The following KIAA1328 variants were observed in gnomAD, a reference collection of about 807,000 sequenced individuals.
The protein encoded by KIAA1328 is protein hinderin.
In KIAA1328, 52 loss-of-function variants were observed where a neutral mutation model predicts 68.1. The observed-to-expected ratio is 0.76, with a 90% CI of 0.61 to 0.96. The LOEUF (loss-of-function observed/expected upper bound fraction) is 0.96, where lower values mean the gene tolerates loss of function less well. Among genes scored for constraint, KIAA1328 ranks in the 40% least tolerant of loss-of-function variants. The probability of loss-of-function intolerance (pLI) is 0.00; values close to 1 mark genes in which losing one functional copy is unlikely to be tolerated. For missense variants in KIAA1328, 641 were observed against 677.6 expected, an observed-to-expected ratio of 0.95 and a Z score of 0.60; for synonymous variants, 232 against 239.4, an observed-to-expected ratio of 0.97 and a Z score of 0.28.
intron 5 of KIAA1328, among the ~76,000 whole-genome samples, chr18:36,926,028 A>G (rs1189262864): frequency 6.6e-6 from 1 of 151,706 alleles, no homozygotes; most frequent in Non-Finnish European, 1.5e-5. Context: ...TGTTCTCTGA[A>G]ACCTTCAGAT....
chr18:36,890,263 A>G (rs1301617966), intron 5 of KIAA1328, among the ~76,000 whole-genome samples: 1 of 146,010 alleles, frequency 6.8e-6, no homozygotes, highest in Non-Finnish European at 1.5e-5. Flanking sequence ...AATCACCTTT[A>G]TTTGCATGTG....
At chr18:37,010,869 A>G (rs928447154) in intron 6 of KIAA1328, among the ~76,000 whole-genome samples, 2 of 152,212 alleles carry the variant, frequency 1.3e-5, no homozygotes, top group Non-Finnish European at 2.9e-5. Flanking sequence ...TATAGCAATA[A>G]TTGACAGAAA....
At chr18:37,200,582 C>A (rs932183192) in intron 9 of KIAA1328, among the ~76,000 whole-genome samples, 1 of 151,678 alleles carries the variant, frequency 6.6e-6, no homozygotes, top group Non-Finnish European at 1.5e-5. Context: ...GAGGCCGAGG[C>A]GGGTGGATCA....
chr18:37,206,321 G>A (rs1026170247), intron 9 of KIAA1328, among the ~76,000 whole-genome samples: 4 of 152,156 alleles, frequency 2.6e-5, no homozygotes, highest in African/African-American at 9.7e-5. Context: ...AAGGTGGTAG[G>A]GTTGAGGACA....
chr18:36,898,744 A>G (rs1490364079), intron 5 of KIAA1328, among the ~76,000 whole-genome samples: 1 of 151,986 alleles, frequency 6.6e-6, no homozygotes, highest in Non-Finnish European at 1.5e-5. Context: ...TAGTCAGCAG[A>G]ACAGAGTCTG....
intron 6 of KIAA1328, among the ~76,000 whole-genome samples, chr18:37,006,762 C>G (rs1331912360): frequency 6.6e-6 from 1 of 152,006 alleles, no homozygotes; most frequent in Non-Finnish European, 1.5e-5. Flanking sequence ...AGTGTCTTCT[C>G]AGTTCTGTAA....
chr18:37,158,855 T>C (rs2059214516), intron 7 of KIAA1328, among the ~76,000 whole-genome samples: 1 of 152,106 alleles, frequency 6.6e-6, no homozygotes, highest in African/African-American at 2.4e-5. Flanking sequence ...TTCATTTTTC[T>C]ACAGAACAAG....
chr18:36,948,189 A>G (rs193212814), intron 5 of KIAA1328, among the ~76,000 whole-genome samples: 34 of 152,072 alleles, frequency 2.2e-4, no homozygotes, highest in Non-Finnish European at 4.4e-4. Flanking sequence ...TTTTCATTTA[A>G]TGGTAAGAAC....
At chr18:36,885,222 A>G (rs1018518232) in intron 4 of KIAA1328, among the ~76,000 whole-genome samples, 4 of 152,196 alleles carry the variant, frequency 2.6e-5, no homozygotes, top group African/African-American at 9.6e-5. Context: ...TTGGTAACAA[A>G]AAAATGAAAC....
At chr18:37,206,999 G>A (rs1443903137) in intron 9 of KIAA1328, among the ~76,000 whole-genome samples, 1 of 152,174 alleles carries the variant, frequency 6.6e-6, no homozygotes, top group African/African-American at 2.4e-5. Context: ...AGGCAGTGGT[G>A]ATAAGTGGAA....
intron 6 of KIAA1328, among the ~76,000 whole-genome samples, chr18:37,042,933 T>G (rs566847396): frequency 6.6e-6 from 1 of 152,270 alleles, no homozygotes; most frequent in South Asian, 2.1e-4. Flanking sequence ...TCATTCTTTT[T>G]TCTTTCTACT....
chr18:37,173,854 A>G (rs2059546017), intron 9 of KIAA1328, among the ~76,000 whole-genome samples: 1 of 152,208 alleles, frequency 6.6e-6, no homozygotes, highest in Admixed American at 6.5e-5. Flanking sequence ...AAGGGAAGAG[A>G]AAGATTATTT....
intron 5 of KIAA1328, among the ~76,000 whole-genome samples, chr18:36,918,645 C>T (rs566029802): frequency 2.0e-5 from 3 of 152,226 alleles, no homozygotes; most frequent in African/African-American, 7.2e-5. Context: ...GAACTCCTGA[C>T]CTCAAGTGAT....
At chr18:36,952,749 C>G (rs1015976400) in intron 5 of KIAA1328, among the ~76,000 whole-genome samples, 1 of 152,104 alleles carries the variant, frequency 6.6e-6, no homozygotes, top group Non-Finnish European at 1.5e-5. Context: ...ATGGCCTTTT[C>G]GCTGTCTTGT....
intron 5 of KIAA1328, among the ~76,000 whole-genome samples, chr18:36,888,192 T>C (rs1281381145): frequency 6.6e-6 from 1 of 152,196 alleles, no homozygotes. Flanking sequence ...ACTACTACTG[T>C]GGGCCACATC....
intron 4 of KIAA1328, among the ~76,000 whole-genome samples, chr18:36,874,175 C>G (rs751891926): frequency 6.6e-6 from 1 of 152,008 alleles, no homozygotes; most frequent in Non-Finnish European, 1.5e-5. Context: ...TATAGTAGAA[C>G]AATTTATTAT....
At chr18:37,095,249 G>A (rs2057372159) in intron 7 of KIAA1328, among the ~76,000 whole-genome samples, 1 of 152,126 alleles carries the variant, frequency 6.6e-6, no homozygotes, top group African/African-American at 2.4e-5. Flanking sequence ...GACATTTACA[G>A]AACATTTTAT....
At chr18:36,888,156 C>T (rs1375042588) in intron 5 of KIAA1328, among the ~76,000 whole-genome samples, 2 of 152,084 alleles carry the variant, frequency 1.3e-5, no homozygotes, top group African/African-American at 4.8e-5. Flanking sequence ...TCATGTTTTC[C>T]TCATGATTTA....
At chr18:36,831,740 C>T (rs1279488064) in intron 1 of KIAA1328, among the ~76,000 whole-genome samples, 1 of 152,080 alleles carries the variant, frequency 6.6e-6, no homozygotes, top group East Asian at 1.9e-4. Context: ...ATAATAATTA[C>T]ATATACATGT....
Sources: gnomAD v4.1 joint callset for allele counts (sites outside exome capture counted in the v4.1 genomes callset) on GRCh38, gnomAD v4.1.1 for gene constraint, MANE v1.5 for transcripts, NCBI Gene and HGNC (gene_info 2026-07-23, HGNC 2026-07-21) for gene names.